The following AP2B1 variants were observed in gnomAD, a reference collection of about 807,000 sequenced individuals.
AP2B1 encodes the protein adaptor related protein complex 2 subunit beta 1, also known as AP-2 complex subunit beta.
In AP2B1, 23 loss-of-function variants were observed where a neutral mutation model predicts 102.0. The observed-to-expected ratio is 0.23, with a 90% CI of 0.16 to 0.32. AP2B1 has a LOEUF of 0.32. Ranked by LOEUF, AP2B1 falls within the 10% of genes least tolerant of loss-of-function variation. The pLI is 1.00. For synonymous variants in AP2B1, 381 were observed against 421.2 expected, an observed-to-expected ratio of 0.90 and a Z score of 1.17; for missense variants, 541 against 1,157.4, an observed-to-expected ratio of 0.47 and a Z score of 7.73.
chr17:35,650,714 A>G lies in AP2B1; in HGVS notation c.1721A>G (p.Tyr574Cys), dbSNP rs1273410678. Residue 574 changes from tyrosine to cysteine, a missense_variant, in exon 13 of 22, where the codon TAT (tyrosine) becomes TGT (cysteine). Around this residue, in one of 10 missense-constraint regions of AP2B1, gnomAD observed 106 missense variants for 296.4 expected, o/e 0.36. Coordinates refer to ENST00000610402, the MANE Select transcript of AP2B1 (RefSeq NM_001030006.2). ...ICHIGSLASV[Y>C]HKPPNAFVEG... Reference sequence around the variant, plus strand: ...CACATTGGTTCTTTGGCCTCTGTGTATCATAAGCCTCCCAATGCTTTTGTG... The same window carrying G: ...CACATTGGTTCTTTGGCCTCTGTGTGTCATAAGCCTCCCAATGCTTTTGTG... 1 of 1,614,180 alleles carries G rather than the reference A, an allele frequency of 6.2e-7. No homozygotes were observed. The highest frequency in any genetic ancestry group is 8.5e-7 in the Non-Finnish European group (1 of 1,180,036).
chr17:35,622,516 AATG>A (rs2074208617), intron 5 of AP2B1, among the ~76,000 whole-genome samples: 1 of 152,234 alleles, frequency 6.6e-6, no homozygotes, highest in Non-Finnish European at 1.5e-5. Flanking sequence ...TTGCTAACAA[AATG>A]ATAATCATAC....
chr17:35,681,129 C>T (rs1056809057), intron 17 of AP2B1, among the ~76,000 whole-genome samples: 6 of 152,152 alleles, frequency 3.9e-5, no homozygotes, highest in African/African-American at 1.2e-4. Flanking sequence ...AACAAGTTTT[C>T]CTGGATAAAA....
chr17:35,641,945 A>G lies in AP2B1; in HGVS notation c.1506A>G (p.Leu502=). 1.2e-6 allele frequency: 2 copies of G among 1,612,536 alleles called. No individual in the cohort carries two copies. The highest frequency in any genetic ancestry group is 1.1e-5 in the South Asian group (1 of 90,938). The change falls in exon 12 of 22, where the codon CTA becomes CTG. Residue 502 remains leucine (L), a synonymous_variant. Transcript: ENST00000610402. ...AGAAACCATCAGAAACACAGGAGCT[A>G]GTCCAGCAGGTCTTGAGTTTGGCAA... ...FLKKPSETQE[L]VQQVLSLATQ... is the part of the protein sequence containing the mutation.
At chr17:35,667,496 A>G (rs2075492699) in intron 14 of AP2B1, among the ~76,000 whole-genome samples, 1 of 152,200 alleles carries the variant, frequency 6.6e-6, no homozygotes. Context: ...ATTGCTTTTC[A>G]GTTCTTCATG....
At chr17:35,603,361 T>A (rs1230885626) in intron 3 of AP2B1, among the ~76,000 whole-genome samples, 1 of 152,354 alleles carries the variant, frequency 6.6e-6, no homozygotes, top group Admixed American at 6.5e-5. Context: ...ACAGTTATCC[T>A]ATATTGTAAA....
chr17:35,715,837 G>A (rs1370848261), intron 20 of AP2B1, among the ~76,000 whole-genome samples: 1 of 152,204 alleles, frequency 6.6e-6, no homozygotes, highest in African/African-American at 2.4e-5. Context: ...AAGGGGAAAA[G>A]CTAAGTAATA....
intron 18 of AP2B1, among the ~76,000 whole-genome samples, chr17:35,691,198 A>G (rs1275679019): frequency 2.6e-5 from 4 of 152,164 alleles, no homozygotes; most frequent in Non-Finnish European, 5.9e-5. Context: ...AAAGGACACG[A>G]TCTTACAGTC....
At chr17:35,636,297 G>T in intron 9 of AP2B1, 44 bp from the exon 10 acceptor site, 1 of 1,400,464 alleles carries the variant, frequency 7.1e-7, no homozygotes. Context: ...TGGTGTTATC[G>T]CATAGATCAT....
At chr17:35,598,841 C>A (rs781377938) in intron 3 of AP2B1, among the ~76,000 whole-genome samples, 4 of 152,222 alleles carry the variant, frequency 2.6e-5, no homozygotes, top group Non-Finnish European at 5.9e-5. Context: ...TATATGCAGG[C>A]CCCTAAGGAT....
intron 18 of AP2B1, among the ~76,000 whole-genome samples, chr17:35,691,520 T>A (rs2076041165): frequency 6.6e-6 from 1 of 152,204 alleles, no homozygotes; most frequent in South Asian, 2.1e-4. Context: ...GCCAAACCAG[T>A]CAGTGTTGAA....
At chr17:35,619,224 TC>T (rs2074105347) in intron 5 of AP2B1, among the ~76,000 whole-genome samples, 1 of 152,222 alleles carries the variant, frequency 6.6e-6, no homozygotes, top group Admixed American at 6.5e-5. Flanking sequence ...AGCAGCTACT[TC>T]AGAGTTGTTA....
At chr17:35,720,210 A>G (rs73285293) in intron 21 of AP2B1, among the ~76,000 whole-genome samples, 2,604 of 152,144 alleles carry the variant, frequency 0.017, 75 homozygotes, top group African/African-American at 0.06. Flanking sequence ...AAGGGTTTAG[A>G]TGCAGATTCT....
At chr17:35,587,959 G>C (rs1303171607) in intron 1 of AP2B1, 1 of 152,136 alleles carries the variant, frequency 6.6e-6, no homozygotes, top group Non-Finnish European at 1.5e-5. Context: ...GACCACCTGG[G>C]GAAAGAAGAG....
Position 35,627,245 on chromosome 17 carries a change from CTTTTTTTTTTTTTT to C in AP2B1, c.939-129_939-116del, listed in dbSNP as rs569701571. ...TAGAGGCGTATAGAGGAAGTTTATG[CTTTTTTTTTTTTTT>C]TTTTTTTTTTGCCTGAGTGGAGCGA... On this transcript the variant is annotated intron_variant, in intron 7 of 21. Coordinates refer to ENST00000610402, the MANE Select transcript of AP2B1 (RefSeq NM_001030006.2). The C allele has an allele frequency of 7.8e-5, 14 of 178,480 alleles. 1 individual carries two copies. The highest frequency in any genetic ancestry group is 1.2e-4 in the Non-Finnish European group (12 of 99,674). The allele number at this position is 178,480 out of a possible 1,614,324, so 11.1% of individuals were successfully genotyped here. A position where few individuals can be genotyped will look rare whatever the true frequency, so the allele number is the denominator to read the frequency against.
chr17:35,628,163 A>G (rs1276148471), intron 9 of AP2B1, among the ~76,000 whole-genome samples: 1 of 152,216 alleles, frequency 6.6e-6, no homozygotes, highest in African/African-American at 2.4e-5. Flanking sequence ...GAGATGGTTT[A>G]AAGTATACAA....
At chr17:35,635,398 T>G (rs1230309534) in intron 9 of AP2B1, among the ~76,000 whole-genome samples, 1 of 149,278 alleles carries the variant, frequency 6.7e-6, no homozygotes, top group African/African-American at 2.4e-5. Flanking sequence ...TTTGTTTTGT[T>G]TTTTGAGACG....
intron 1 of AP2B1, among the ~76,000 whole-genome samples, chr17:35,589,808 C>T (rs2073028734): frequency 6.6e-6 from 1 of 151,964 alleles, no homozygotes; most frequent in Non-Finnish European, 1.5e-5. Flanking sequence ...ATTTCTCTGG[C>T]TCTTCTGAAG....
chr17:35,611,693 A>C (rs1007383736), intron 5 of AP2B1, among the ~76,000 whole-genome samples: 1 of 152,186 alleles, frequency 6.6e-6, no homozygotes, highest in African/African-American at 2.4e-5. Flanking sequence ...TATTGTGGGA[A>C]TCTTCAAACA....
intron 6 of AP2B1, 39 bp downstream of exon 6, chr17:35,624,626 C>G: frequency 1.3e-6 from 2 of 1,583,738 alleles, no homozygotes; most frequent in Non-Finnish European, 1.7e-6. Flanking sequence ...GTAGTCTTGC[C>G]TGATGCAGTA....
Sources: allele counts gnomAD v4.1 joint callset (sites outside exome capture counted in the v4.1 genomes callset), GRCh38; gene constraint gnomAD v4.1.1; regional missense constraint gnomAD v4.1.1; transcripts MANE v1.5; gene names NCBI Gene and HGNC (gene_info 2026-07-23, HGNC 2026-07-21).